SASH1: variants seen among roughly 807,000 people sequenced by gnomAD.
SASH1 encodes the protein SAM and SH3 domain containing 1.
A neutral mutation model predicts 125.2 loss-of-function variants in SASH1; 44 were observed. The ratio of observed to expected loss-of-function variants is 0.35; its 90% confidence interval spans 0.28 to 0.45. The LOEUF (loss-of-function observed/expected upper bound fraction) is 0.45. Among genes scored for constraint, SASH1 ranks in the 20% least tolerant of loss-of-function variants. The pLI, the probability that SASH1 is intolerant of heterozygous loss-of-function variation, is 1.00. For missense variants in SASH1, 1,426 were observed against 1,614.5 expected, an observed-to-expected ratio of 0.88 and a Z score of 2.00; for synonymous variants, 639 against 649.1, an observed-to-expected ratio of 0.98 and a Z score of 0.24.
At chr6:148,499,865 T>C (rs1378975803) in intron 8 of SASH1, among the ~76,000 whole-genome samples, 1 of 152,214 alleles carries the variant, frequency 6.6e-6, no homozygotes, top group East Asian at 1.9e-4. Context: ...AAATTGGTTC[T>C]GTAATAGGTT....
the SASH1 span, among the ~76,000 whole-genome samples, chr6:148,214,369 T>C: frequency 2.0e-5 from 3 of 152,228 alleles, no homozygotes; most frequent in African/African-American, 7.2e-5. Context: ...GTTAGGTTCT[T>C]GAACTCTGTA....
chr6:148,390,821 T>C (rs1432291361), intron 2 of SASH1, among the ~76,000 whole-genome samples: 2 of 152,054 alleles, frequency 1.3e-5, no homozygotes, highest in Non-Finnish European at 2.9e-5. Context: ...TTTTTATTTT[T>C]TTACTTAAGG....
intron 2 of SASH1, among the ~76,000 whole-genome samples, chr6:148,407,092 C>T (rs141343801): frequency 2.5e-3 from 376 of 151,902 alleles, no homozygotes; most frequent in Non-Finnish European, 3.1e-3. Flanking sequence ...ATATACATAA[C>T]GTAAAATTTA....
intron 4 of SASH1, among the ~76,000 whole-genome samples, chr6:148,467,256 C>T (rs951508838): frequency 6.6e-6 from 1 of 152,060 alleles, no homozygotes; most frequent in Non-Finnish European, 1.5e-5. Context: ...GCCACCACGC[C>T]TAGCTAATTT....
At chr6:148,329,668 C>T (rs1780933371) in intron 1 of SASH1, among the ~76,000 whole-genome samples, 1 of 151,974 alleles carries the variant, frequency 6.6e-6, no homozygotes, top group South Asian at 2.1e-4. Flanking sequence ...CCGTGTGTGT[C>T]ACAAAAAATG....
chr6:148,378,499 C>T (rs1023664637), intron 1 of SASH1, among the ~76,000 whole-genome samples: 2 of 152,156 alleles, frequency 1.3e-5, no homozygotes, highest in African/African-American at 4.8e-5. Flanking sequence ...GGGCCGCAGG[C>T]GTGTGCCATC....
intron 8 of SASH1, among the ~76,000 whole-genome samples, chr6:148,500,198 T>A (rs1779504401): frequency 6.6e-6 from 1 of 151,504 alleles, no homozygotes; most frequent in Non-Finnish European, 1.5e-5. Context: ...TTGACCTGTT[T>A]GCCATGCTAT....
chr6:148,531,783 G>A, intron 13 of SASH1, 122 bp downstream of exon 13: 1 of 773,894 alleles, frequency 1.3e-6, no homozygotes, highest in East Asian at 3.3e-5. Context: ...GGTGCTATTA[G>A]AGAATCAGAC....
chr6:148,455,495 C>T (rs892142802), intron 4 of SASH1, among the ~76,000 whole-genome samples: 3 of 151,936 alleles, frequency 2.0e-5, no homozygotes, highest in Non-Finnish European at 4.4e-5. Context: ...AGGGGAAGGA[C>T]GTGAAGTCAT....
At chr6:148,452,072 C>T (rs1182396570) in intron 4 of SASH1, among the ~76,000 whole-genome samples, 1 of 152,146 alleles carries the variant, frequency 6.6e-6, no homozygotes, top group Non-Finnish European at 1.5e-5. Flanking sequence ...CTTCTCGGTC[C>T]CCATGAGCTG....
chr6:148,252,707 G>A, the SASH1 span, among the ~76,000 whole-genome samples: 1 of 152,152 alleles, frequency 6.6e-6, no homozygotes, highest in Admixed American at 6.5e-5. Flanking sequence ...TCAAACTGCT[G>A]ACCTCACGTG....
intron 2 of SASH1, among the ~76,000 whole-genome samples, chr6:148,402,193 G>A (rs1784195602): frequency 6.6e-6 from 1 of 152,014 alleles, no homozygotes; most frequent in African/African-American, 2.4e-5. Flanking sequence ...TAAACCTCAG[G>A]GTACGGTACT....
At chr6:148,322,333 T>C (rs890067457) in intron 1 of SASH1, among the ~76,000 whole-genome samples, 10 of 152,030 alleles carry the variant, frequency 6.6e-5, no homozygotes, top group African/African-American at 2.4e-4. Flanking sequence ...GCCTGGGCAA[T>C]AGAGCAAGAC....
At chr6:148,447,726 C>T (rs13219096) in intron 4 of SASH1, among the ~76,000 whole-genome samples, 1 of 97,050 alleles carries the variant, frequency 1.0e-5, no homozygotes, top group African/African-American at 3.3e-5. Flanking sequence ...CCTCCTCATC[C>T]TCCTCCTCCT....
rs532814880 is a variant in SASH1 at position 148,358,759 on chromosome 6, G to A, written c.156+15536G>A. Among the ~76,000 whole-genome samples, 26 of 114,964 alleles carry A rather than the reference G, an allele frequency of 2.3e-4. No individual in the cohort carries two copies. The East Asian group carries it at 6.2e-3, about 28-fold the overall frequency. 75.4% of individuals were successfully genotyped at this position (114,964 alleles called of 152,430 possible). A position where few individuals can be genotyped will look rare whatever the true frequency, so the allele number is the denominator to read the frequency against. On this transcript the variant is annotated intron_variant, in intron 1 of 19. Transcript: ENST00000367467. ...TTTTTTTTTTTTTTTTTTTTGAGACGGAGTCTCCCTTCATCACCGAGGCTG... is the reference window on the plus strand; with the variant it reads ...TTTTTTTTTTTTTTTTTTTTGAGACAGAGTCTCCCTTCATCACCGAGGCTG...
chr6:148,463,626 C>G (rs569947622), intron 4 of SASH1, among the ~76,000 whole-genome samples: 3 of 152,150 alleles, frequency 2.0e-5, no homozygotes, highest in Non-Finnish European at 4.4e-5. Flanking sequence ...TGTTTCTCTT[C>G]GTAGTGTTCA....
At chr6:148,225,090 G>A in the SASH1 span, among the ~76,000 whole-genome samples, 3 of 152,162 alleles carry the variant, frequency 2.0e-5, no homozygotes, top group Non-Finnish European at 4.4e-5. Context: ...AACAGAGCAA[G>A]AGGAGCCCCT....
chr6:148,224,841 C>T, the SASH1 span, among the ~76,000 whole-genome samples: 5 of 152,222 alleles, frequency 3.3e-5, no homozygotes, highest in East Asian at 7.7e-4. Context: ...ACCAACTTTT[C>T]CTGAAAGTAG....
chr6:148,481,763 G>A (rs903357997), intron 7 of SASH1, among the ~76,000 whole-genome samples: 3 of 152,034 alleles, frequency 2.0e-5, no homozygotes, highest in East Asian at 1.9e-4. Context: ...CCAAGGTCAC[G>A]GATCACAGGT....
Sources: gnomAD v4.1 joint callset for allele counts (sites outside exome capture counted in the v4.1 genomes callset) on GRCh38, gnomAD v4.1.1 for gene constraint, MANE v1.5 for transcripts, NCBI Gene and HGNC (gene_info 2026-07-23, HGNC 2026-07-21) for gene names.